Variants in BASP1 observed in about 807,000 individuals in gnomAD.
The protein encoded by BASP1 is brain acid soluble protein 1.
In BASP1, 1 loss-of-function variant was observed where a neutral mutation model predicts 2.2. The ratio of observed to expected loss-of-function variants is 0.46; its 90% confidence interval spans 0.16 to 2.17. The LOEUF is 2.17. BASP1 is among the 30% of genes most tolerant of loss of function. The probability of loss-of-function intolerance (pLI) is 0.27; values close to 1 mark genes in which losing one functional copy is unlikely to be tolerated. For missense variants in BASP1, 352 were observed against 327.2 expected (o/e 1.08, Z -0.58); for synonymous variants, 187 against 154.2 (o/e 1.21, Z -1.58).
chr5:17,264,650 T>C (rs1221120430), intron 1 of BASP1, among the ~76,000 whole-genome samples: 8 of 152,254 alleles, frequency 5.3e-5, no homozygotes, highest in Non-Finnish European at 8.8e-5. Context: ...AGATGACTTC[T>C]TGTCTTGATT....
In BASP1 at chr5:17,275,161, A is replaced by C. The variant is rs145961515; in HGVS notation, c.-9-47A>C. The stretch of plus-strand genomic sequence containing the variant: ...AAATGCAGCTTTTTGTGGTCCCCAC[A>C]CTTGCCTAGTAACCGCCGTTTTGTT... On this transcript the variant is annotated intron_variant, in intron 1 of 1. Transcript: ENST00000322611. This position sits in a 1 kb window ranked among gnomAD's most constrained non-coding sequence, Gnocchi z 5.3. 0.019 allele frequency: 30,172 copies of C among 1,594,762 alleles called. 371 individuals are homozygous for C. Among genetic ancestry groups the C allele is most frequent in the Non-Finnish European group, 0.022 (26,100 of 1,167,550 alleles).
chr5:17,243,407 G>A (rs1016153947), intron 1 of BASP1, among the ~76,000 whole-genome samples: 25 of 152,136 alleles, frequency 1.6e-4, no homozygotes, highest in African/African-American at 6.0e-4. Context: ...GCCTGCCTTG[G>A]CCTCCCAAAG....
chr5:17,225,422 TACTC>T (rs1465588162), intron 1 of BASP1, among the ~76,000 whole-genome samples: 1 of 152,190 alleles, frequency 6.6e-6, no homozygotes, highest in Non-Finnish European at 1.5e-5. Context: ...CCCCTCAACT[TACTC>T]CTTTCTGCTT....
intron 1 of BASP1, among the ~76,000 whole-genome samples, chr5:17,247,872 TG>T (rs1356442865): frequency 1.3e-5 from 2 of 152,194 alleles, no homozygotes; most frequent in Admixed American, 1.3e-4. Flanking sequence ...TTAGCGTTTT[TG>T]TGGTCTCTCT....
At chr5:17,271,683 A>AT (rs369343687) in intron 1 of BASP1, among the ~76,000 whole-genome samples, 26 of 152,228 alleles carry the variant, frequency 1.7e-4, no homozygotes, top group African/African-American at 5.8e-4. Flanking sequence ...CTATTGCTGT[A>AT]TTTTTTTAAC....
rs372369568 is a variant in BASP1, at chr5:17,230,917, TC to T, written c.-10+13108del. Among the ~76,000 whole-genome samples, 85 of 152,306 alleles carry T rather than the reference TC, an allele frequency of 5.6e-4. 3 individuals are homozygous for T. In the East Asian group the frequency reaches 0.012, roughly 22 times the overall value. ...TTTTAGGCGTACCCTGTCAAGTAATTCAGTTATTGCTTTCCTGGCTCAAATT... is the reference window on the plus strand; with the variant it reads ...TTTTAGGCGTACCCTGTCAAGTAATTAGTTATTGCTTTCCTGGCTCAAATT... On this transcript the variant is annotated intron_variant, in intron 1 of 1. Coordinates refer to ENST00000322611, the MANE Select transcript of BASP1 (RefSeq NM_006317.5).
At chr5:17,238,529 G>A (rs1739793534) in intron 1 of BASP1, among the ~76,000 whole-genome samples, 1 of 152,128 alleles carries the variant, frequency 6.6e-6, no homozygotes, top group African/African-American at 2.4e-5. Context: ...GTGCTCTGTG[G>A]AAACCATGGA....
At chr5:17,228,086 C>T (rs1231412095) in intron 1 of BASP1, among the ~76,000 whole-genome samples, 3 of 152,354 alleles carry the variant, frequency 2.0e-5, no homozygotes, top group East Asian at 3.9e-4. Flanking sequence ...TTTTCCTCAT[C>T]TGACCCGATG....
chr5:17,262,627 T>C (rs992458822), intron 1 of BASP1, among the ~76,000 whole-genome samples: 1 of 152,248 alleles, frequency 6.6e-6, no homozygotes, highest in Non-Finnish European at 1.5e-5. Flanking sequence ...TGTCTCAGAC[T>C]CTACCTTCTC....
chr5:17,265,221 A>T (rs1740394326), intron 1 of BASP1, among the ~76,000 whole-genome samples: 1 of 152,208 alleles, frequency 6.6e-6, no homozygotes, highest in Non-Finnish European at 1.5e-5. Context: ...AACTCCTGGA[A>T]ATTGTGCATT....
At chr5:17,244,794 C>T (rs1017162821) in intron 1 of BASP1, among the ~76,000 whole-genome samples, 2 of 149,924 alleles carry the variant, frequency 1.3e-5, no homozygotes, top group African/African-American at 2.4e-5. Context: ...TGGGTTCAAG[C>T]GGTTCTCCTG....
intron 1 of BASP1, among the ~76,000 whole-genome samples, chr5:17,253,128 G>T (rs529437670): frequency 3.4e-4 from 51 of 150,470 alleles, no homozygotes; most frequent in East Asian, 1.4e-3. Flanking sequence ...TAATCAATTG[G>T]TTTTTTTTTC....
chr5:17,275,940 ATCTCCTCTCTCTC>A lies in BASP1; in HGVS notation c.*45_*57del. 1 of 1,294,178 alleles carries A rather than the reference ATCTCCTCTCTCTC, an allele frequency of 7.7e-7. No individual in the cohort carries two copies. The highest frequency in any genetic ancestry group is 2.0e-5 in the African/African-American group (1 of 50,074). The allele number at this position is 1,294,178 out of a possible 1,614,324, so 80.2% of individuals were successfully genotyped here. A position where few individuals can be genotyped will look rare whatever the true frequency, so the allele number is the denominator to read the frequency against. On this transcript the variant is annotated 3_prime_UTR_variant, in exon 2 of 2. Coordinates refer to ENST00000322611, the MANE Select transcript of BASP1 (RefSeq NM_006317.5). This position sits in a 1 kb window ranked among gnomAD's most constrained non-coding sequence, Gnocchi z 5.3. ...AGGAAAAACAATACCACTTAAAACA[ATCTCCTCTCTCTC>A]TCTCTCTCTCTCTCTCTATCTCTCT...
intron 1 of BASP1, among the ~76,000 whole-genome samples, chr5:17,228,113 T>C (rs1739553618): frequency 6.6e-6 from 1 of 152,212 alleles, no homozygotes; most frequent in African/African-American, 2.4e-5. Flanking sequence ...TGATGGAAAG[T>C]CTCATTGAAG....
chr5:17,263,280 A>G (rs1169997694), intron 1 of BASP1, among the ~76,000 whole-genome samples: 1 of 149,676 alleles, frequency 6.7e-6, no homozygotes, highest in East Asian at 1.9e-4. Context: ...GTAGTATTAC[A>G]TTTTTTTTTT....
chr5:17,240,957 G>A (rs1739850309), intron 1 of BASP1, among the ~76,000 whole-genome samples: 1 of 152,108 alleles, frequency 6.6e-6, no homozygotes, highest in African/African-American at 2.4e-5. Context: ...TTTTTGCAAT[G>A]GCATTTAAAA....
rs1448077740 is a variant in BASP1 at position 17,236,916 on chromosome 5, C to A, written c.-10+19106C>A. 6.6e-6 allele frequency among the ~76,000 whole-genome samples: 1 copy of A among 152,196 alleles called. No individual in the cohort carries two copies. Among genetic ancestry groups the A allele is most frequent in the Non-Finnish European group, 1.5e-5 (1 of 68,034 alleles). On this transcript the variant is annotated intron_variant, in intron 1 of 1. Transcript: ENST00000322611. This position sits in a 1 kb window ranked among gnomAD's most constrained non-coding sequence, Gnocchi z 4.0. ...AACAAAATTCTGTATATTTAAAAAG[C>A]TGCTTGCGCTACTGTGTCATTCCTC...
At chr5:17,247,628 T>C (rs1240162171) in intron 1 of BASP1, among the ~76,000 whole-genome samples, 1 of 152,236 alleles carries the variant, frequency 6.6e-6, no homozygotes, top group Non-Finnish European at 1.5e-5. Flanking sequence ...TCAACTTTGA[T>C]GTGGCCTATA....
At chr5:17,217,093 A>AGAGAGAGAGAGAGAGAGAGAGAGAGT (rs1561160799), upstream of BASP1, 2 of 139,466 alleles carry the variant, frequency 1.4e-5, no homozygotes, top group Admixed American at 7.2e-5. Context: ...AGAGAGAGAG[A>AGAGAGAGAGAGAGAGAGAGAGAGAGT]GAGTGAGTGA....
Sources: allele counts gnomAD v4.1 joint callset (sites outside exome capture counted in the v4.1 genomes callset), GRCh38; gene constraint gnomAD v4.1.1; non-coding constraint Gnocchi (gnomAD v3.1); transcripts MANE v1.5; gene names NCBI Gene and HGNC (gene_info 2026-07-23, HGNC 2026-07-21).